The following TTBK1 variants were observed in gnomAD, a reference collection of about 807,000 sequenced individuals.
The protein encoded by TTBK1 is tau tubulin kinase 1, also known as tau-tubulin kinase 1.
Under a neutral mutation model 108.5 loss-of-function variants are expected in TTBK1, and 34 were observed. The observed-to-expected ratio is 0.31, with a 90% CI of 0.24 to 0.42. The LOEUF (loss-of-function observed/expected upper bound fraction) is 0.42, where lower values mean the gene tolerates loss of function less well. Ranked by LOEUF, TTBK1 falls within the 10% of genes least tolerant of loss-of-function variation. TTBK1 has a pLI of 1.00. For synonymous variants in TTBK1, 809 were observed against 795.1 expected, an observed-to-expected ratio of 1.02 and a Z score of -0.29; for missense variants, 1,539 against 1,826.0, an observed-to-expected ratio of 0.84 and a Z score of 2.86.
chr6:43,252,750 C>T lies in TTBK1; in HGVS notation c.120C>T (p.Ile40=), dbSNP rs1484907525. Residue 40 remains isoleucine (I), a synonymous_variant, in exon 3 of 15, where the codon ATC becomes ATT. Coordinates refer to ENST00000259750, the MANE Select transcript of TTBK1 (RefSeq NM_032538.3). ...CCTCATCTTCATAGCTGAAAAAGAT[C>T]GGGGGCGGGGGCTTTGGTGAGATCT... The part of the protein sequence containing the change: ...VKDRWKVLKK[I]GGGGFGEIYE... 10 of 1,613,698 alleles carry T rather than the reference C, an allele frequency of 6.2e-6. No homozygotes were observed. The highest frequency in any genetic ancestry group is 7.6e-6 in the Non-Finnish European group (9 of 1,179,972).
At chr6:43,284,831 C>G in intron 14 of TTBK1, 152 bp from the exon 15 acceptor site, 18 of 1,322,984 alleles carry the variant, frequency 1.4e-5, no homozygotes, top group Non-Finnish European at 1.7e-5. Flanking sequence ...GACAGAGAGC[C>G]AGGCCTCAGT....
rs1201869872 is a variant in TTBK1 at position 43,273,664 on chromosome 6, C to T, written c.1987-9063C>T. ...AACAGTGTCAGGGAAGTGGCAGGTT[C>T]AGGGACTGTGGTAAACAGGGGAACT... On this transcript the variant is annotated intron_variant, in intron 13 of 14. Transcript: ENST00000259750. This position sits in a 1 kb window ranked among gnomAD's most constrained non-coding sequence, Gnocchi z 4.2. 2.0e-5 allele frequency among the ~76,000 whole-genome samples: 3 copies of T among 152,222 alleles called. No individual in the cohort carries two copies. The highest frequency in any genetic ancestry group is 4.4e-5 in the Non-Finnish European group (3 of 68,046).
intron 13 of TTBK1, among the ~76,000 whole-genome samples, chr6:43,280,802 C>T (rs1445308847): frequency 6.6e-6 from 1 of 152,092 alleles, no homozygotes; most frequent in Non-Finnish European, 1.5e-5. Flanking sequence ...GGCTTTGTCT[C>T]CTCTTTGCTA....
intron 13 of TTBK1, chr6:43,270,393 A>G (rs1582505208): frequency 1.0e-6 from 1 of 995,360 alleles, no homozygotes; most frequent in Non-Finnish European, 1.2e-6. Context: ...GGCTGGCGGG[A>G]GGCCAAGACC....
intron 13 of TTBK1, among the ~76,000 whole-genome samples, chr6:43,272,997 A>G (rs1777875487): frequency 1.3e-5 from 2 of 152,282 alleles, no homozygotes; most frequent in South Asian, 4.1e-4. Flanking sequence ...GCTTACAATT[A>G]TTTGTGATTT....
chr6:43,256,775 A>G (rs1238814317), intron 9 of TTBK1, among the ~76,000 whole-genome samples: 2 of 152,068 alleles, frequency 1.3e-5, no homozygotes, highest in Non-Finnish European at 2.9e-5. Context: ...AATGAAGCCA[A>G]ATGCTTTTAA....
At chr6:43,270,467 A>C (rs1335447020) in intron 13 of TTBK1, 1 of 949,552 alleles carries the variant, frequency 1.1e-6, no homozygotes, top group Non-Finnish European at 1.2e-6. Flanking sequence ...GTCCCTGTGT[A>C]TGGATGGAGG....
intron 13 of TTBK1, among the ~76,000 whole-genome samples, chr6:43,266,624 TTC>T (rs1777683436): frequency 6.6e-6 from 1 of 151,848 alleles, no homozygotes; most frequent in African/African-American, 2.4e-5. Context: ...TTTTTTTTTT[TTC>T]TTTTTTTGAG....
In TTBK1 at chr6:43,287,889, C is replaced by A. The variant is rs900440086; in HGVS notation, c.*2513C>A. 6.6e-6 allele frequency: 1 copy of A among 152,576 alleles called. No individual in the cohort carries two copies. Among genetic ancestry groups the A allele is most frequent in the Non-Finnish European group, 1.5e-5 (1 of 68,254 alleles). 9.5% of individuals were successfully genotyped at this position (152,576 alleles called of 1,614,324 possible). ...GTCTGCTCACCCCAACACATGCCTT[C>A]CCTCCCCAGCCACACCGTGCACGAA... On this transcript the variant is annotated 3_prime_UTR_variant, in exon 15 of 15. Coordinates refer to ENST00000259750, the MANE Select transcript of TTBK1 (RefSeq NM_032538.3). This position sits in a 1 kb window ranked among gnomAD's most constrained non-coding sequence, Gnocchi z 4.1.
chr6:43,272,909 GAA>G (rs1439575064), intron 13 of TTBK1, among the ~76,000 whole-genome samples: 5 of 152,148 alleles, frequency 3.3e-5, no homozygotes, highest in Non-Finnish European at 7.3e-5. Flanking sequence ...GGTCAGCTTT[GAA>G]AAGAGACAGC....
chr6:43,255,328 C>T (rs1005278155), intron 7 of TTBK1, among the ~76,000 whole-genome samples: 7 of 152,132 alleles, frequency 4.6e-5, no homozygotes, highest in Non-Finnish European at 7.4e-5. Flanking sequence ...GTTCTCACTA[C>T]AGACCCCTGT....
intron 9 of TTBK1, among the ~76,000 whole-genome samples, chr6:43,256,733 C>T (rs1777392074): frequency 6.7e-6 from 1 of 149,194 alleles, no homozygotes; most frequent in African/African-American, 2.5e-5. Context: ...AGCAAGACTC[C>T]ATCTCAAACA....
intron 9 of TTBK1, among the ~76,000 whole-genome samples, chr6:43,256,653 C>T (rs769304144): frequency 1.2e-4 from 19 of 152,198 alleles, no homozygotes; most frequent in Non-Finnish European, 2.2e-4. Context: ...GTGTAAGAAT[C>T]GCTTGAACTT....
intron 12 of TTBK1, among the ~76,000 whole-genome samples, chr6:43,260,294 C>A (rs527823074): frequency 2.0e-5 from 3 of 152,266 alleles, no homozygotes; most frequent in African/African-American, 7.2e-5. Flanking sequence ...GGGTGGACAA[C>A]AAGGGCCAGG....
At chr6:43,266,394 A>G (rs531868034) in intron 13 of TTBK1, among the ~76,000 whole-genome samples, 1 of 152,388 alleles carries the variant, frequency 6.6e-6, no homozygotes, top group Non-Finnish European at 1.5e-5. Context: ...AACAATAGTT[A>G]GCACTGTCCT....
chr6:43,262,872 A>C lies in TTBK1; in HGVS notation c.1508A>C (p.His503Pro), dbSNP rs1582493542. 1.2e-6 allele frequency: 2 copies of C among 1,612,920 alleles called. No individual in the cohort carries two copies. The change falls in exon 13 of 15, where the codon CAC becomes CCC. Residue 503 changes from histidine to proline, a missense_variant. Transcript: ENST00000259750. ...CAGATGCTGTCAGTGGACACAGGCC[A>C]CGCTGACCGACAGGCCAGTGGCCGC... ...PAQMLSVDTGHADRQASGRMD... is the reference protein window; with the variant it reads ...PAQMLSVDTGPADRQASGRMD...
chr6:43,285,072 C>A lies in TTBK1; in HGVS notation c.3662C>A (p.Ala1221Asp), dbSNP rs1282713285. 2.0e-6 allele frequency: 3 copies of A among 1,493,968 alleles called. No individual in the cohort carries two copies. The highest frequency in any genetic ancestry group is 2.7e-6 in the Non-Finnish European group (3 of 1,129,776). The allele number at this position is 1,493,968 out of a possible 1,614,324, so 92.5% of individuals were successfully genotyped here. A position where few individuals can be genotyped will look rare whatever the true frequency, so the allele number is the denominator to read the frequency against. Residue 1221 changes from alanine (A) to aspartate (D), a missense_variant, in exon 15 of 15, where the codon GCC becomes GAC. Physicochemically the swap from Ala to Asp is moderately radical, Grantham distance 126. Coordinates refer to ENST00000259750, the MANE Select transcript of TTBK1 (RefSeq NM_032538.3). This position sits in a 1 kb window ranked among gnomAD's most constrained non-coding sequence, Gnocchi z 4.7. ...GGCCGCGGCCTGGGCCCAGGGCGAG[C>A]CCAAGCCGGAGCCAGGCCCCCAGCG... is the stretch of plus-strand genomic sequence containing the variant. ...PPGRGLGPGR[A>D]QAGARPPAPR...
At chr6:43,284,356 C>T in intron 14 of TTBK1, 44 bp downstream of exon 14, 5 of 1,446,336 alleles carry the variant, frequency 3.5e-6, no homozygotes, top group Non-Finnish European at 4.5e-6. Context: ...AGGGTGGCCA[C>T]AGGCCTCCAC....
At chr6:43,272,467 A>T in intron 13 of TTBK1, 1 of 985,456 alleles carries the variant, frequency 1.0e-6, no homozygotes. Flanking sequence ...GTTTTCAAAC[A>T]CACACCCCCC....
Sources: allele counts gnomAD v4.1 joint callset (sites outside exome capture counted in the v4.1 genomes callset), GRCh38; gene constraint gnomAD v4.1.1; non-coding constraint Gnocchi (gnomAD v3.1); transcripts MANE v1.5; gene names NCBI Gene and HGNC (gene_info 2026-07-23, HGNC 2026-07-21).